DSE: variants seen among roughly 807,000 people sequenced by gnomAD.
The protein encoded by DSE is dermatan sulfate epimerase.
DSE carries 36 observed loss-of-function variants against 84.4 expected under a neutral mutation model. The observed-to-expected ratio is 0.43, with a 90% confidence interval of 0.33 to 0.56. The LOEUF is 0.56. Ranked by LOEUF, DSE falls within the 20% of genes least tolerant of loss-of-function variation. DSE has a pLI of 0.06. For synonymous variants in DSE, 410 were observed against 430.1 expected (o/e 0.95, Z 0.58); for missense variants, 862 against 1,169.6 (o/e 0.74, Z 3.84).
chr6:116,337,769 T>G (rs895274271), intron 2 of DSE, among the ~76,000 whole-genome samples: 2 of 151,648 alleles, frequency 1.3e-5, no homozygotes, highest in African/African-American at 4.9e-5. Flanking sequence ...GAAGACAGAG[T>G]TCAGATATGT....
chr6:116,290,812 C>T (rs1164244260), intron 2 of DSE, among the ~76,000 whole-genome samples: 1 of 152,170 alleles, frequency 6.6e-6, no homozygotes, highest in African/African-American at 2.4e-5. Flanking sequence ...ATCCTCTTAA[C>T]TGCTAACTTC....
intron 2 of DSE, among the ~76,000 whole-genome samples, chr6:116,419,548 A>G (rs914621260): frequency 1.3e-5 from 2 of 152,206 alleles, no homozygotes; most frequent in Non-Finnish European, 2.9e-5. Context: ...ATTCTGGCCT[A>G]TTTTAATGGT....
intron 2 of DSE, among the ~76,000 whole-genome samples, chr6:116,269,509 G>GA (rs1216855246): frequency 6.6e-6 from 1 of 152,138 alleles, no homozygotes; most frequent in Non-Finnish European, 1.5e-5. Flanking sequence ...TGGAAGAAAA[G>GA]AAGAGTTGAA....
intron 1 of DSE, among the ~76,000 whole-genome samples, chr6:116,395,164 G>A (rs901622450): frequency 2.0e-5 from 3 of 150,768 alleles, no homozygotes; most frequent in African/African-American, 7.3e-5. Context: ...GGTGGCGCAC[G>A]CCTGTAATCC....
At chr6:116,279,048 A>C in intron 2 of DSE, 8 of 1,613,268 alleles carry the variant, frequency 5.0e-6, no homozygotes, top group Non-Finnish European at 6.8e-6. Flanking sequence ...GGTAGTGTCG[A>C]CGCATCCGCC....
chr6:116,257,307 C>T (rs1022718894), intron 1 of DSE: 1 of 152,210 alleles, frequency 6.6e-6, no homozygotes, highest in African/African-American at 2.4e-5. Context: ...CAAGATCACA[C>T]AGCAAGTGGT....
chr6:116,298,841 A>G (rs1774821887), intron 2 of DSE, among the ~76,000 whole-genome samples: 1 of 152,046 alleles, frequency 6.6e-6, no homozygotes, highest in Non-Finnish European at 1.5e-5. Flanking sequence ...TGGAAAACGG[A>G]GCCATCCTCT....
intron 2 of DSE, among the ~76,000 whole-genome samples, chr6:116,423,699 G>A (rs1783244030): frequency 6.6e-6 from 1 of 152,170 alleles, no homozygotes; most frequent in African/African-American, 2.4e-5. Flanking sequence ...CATGAACTAA[G>A]AGCAAATTTC....
intron 2 of DSE, among the ~76,000 whole-genome samples, chr6:116,296,666 A>G (rs1774685410): frequency 6.6e-6 from 1 of 152,192 alleles, no homozygotes. Context: ...AGACAGGTTT[A>G]GTTAACAAAA....
chr6:116,352,598 A>C lies in DSE; in HGVS notation c.-53-46600A>C, dbSNP rs1220095360. On this transcript the variant is annotated intron_variant, in intron 2 of 3. Transcript: ENST00000430252. ...GTAGCTCTTGAACTGGATAGTAAAC[A>C]TCAAGAAATTGAGAAATAAAAAACA... Among the ~76,000 whole-genome samples the C allele has an allele frequency of 4.1e-4, 62 of 152,188 alleles. 1 individual carries two copies. Among genetic ancestry groups the C allele is most frequent in the Admixed American group, 4.1e-3 (62 of 15,272 alleles).
intron 2 of DSE, among the ~76,000 whole-genome samples, chr6:116,410,141 A>T (rs1782223446): frequency 6.6e-6 from 1 of 152,210 alleles, no homozygotes; most frequent in South Asian, 2.1e-4. Context: ...TAACCTTTTC[A>T]TTGAAAAATA....
intron 2 of DSE, among the ~76,000 whole-genome samples, chr6:116,350,117 C>T (rs1778222636): frequency 6.6e-6 from 1 of 152,128 alleles, no homozygotes. Context: ...AGCTCAAATC[C>T]AGTTTCATTT....
rs185583964 is a variant in DSE at position 116,291,651 on chromosome 6, G to A, written c.-54+32684G>A. Among the ~76,000 whole-genome samples, 356 of 151,936 alleles carry A rather than the reference G, an allele frequency of 2.3e-3. 2 individuals are homozygous for A. Among genetic ancestry groups the A allele is most frequent in the African/African-American group, 8.2e-3 (342 of 41,472 alleles). The stretch of plus-strand genomic sequence containing the variant: ...AGAGGATATTGGAGGCTTTTAAACA[G>A]GGGATTGACATGGACAGTGTCAGAA... On this transcript the variant is annotated intron_variant, in intron 2 of 3. Coordinates refer to the DSE transcript ENST00000430252.
intron 2 of DSE, among the ~76,000 whole-genome samples, chr6:116,316,644 A>T (rs1292244011): frequency 6.6e-6 from 1 of 151,926 alleles, no homozygotes; most frequent in East Asian, 1.9e-4. Flanking sequence ...CAATAATGGG[A>T]CTTGGTGCGG....
intron 2 of DSE, among the ~76,000 whole-genome samples, chr6:116,346,718 G>A (rs1777998740): frequency 6.6e-6 from 1 of 152,178 alleles, no homozygotes; most frequent in South Asian, 2.1e-4. Context: ...ACAAGACAGA[G>A]ACGCCCTCTC....
At chr6:116,297,136 C>G (rs1774716486) in intron 2 of DSE, among the ~76,000 whole-genome samples, 1 of 152,078 alleles carries the variant, frequency 6.6e-6, no homozygotes, top group African/African-American at 2.4e-5. Context: ...TGCACTGTTT[C>G]AGTGTGTGCT....
chr6:116,269,493 G>A (rs1772787358), intron 2 of DSE, among the ~76,000 whole-genome samples: 1 of 152,132 alleles, frequency 6.6e-6, no homozygotes, highest in Non-Finnish European at 1.5e-5. Flanking sequence ...ATAAGTGAAA[G>A]GTTTGTGGAA....
At chr6:116,432,095 C>A (rs972441171) in intron 4 of DSE, among the ~76,000 whole-genome samples, 1 of 152,116 alleles carries the variant, frequency 6.6e-6, no homozygotes, top group Non-Finnish European at 1.5e-5. Flanking sequence ...GACTTACATT[C>A]AAAAAAATAC....
In DSE at chr6:116,437,255, A is replaced by C; in HGVS notation, c.2787A>C (p.Leu929=). The C allele has an allele frequency of 6.2e-7, 1 of 1,614,102 alleles. No individual in the cohort carries two copies. The highest frequency in any genetic ancestry group is 1.1e-5 in the South Asian group (1 of 91,080). The part of the protein sequence containing the change: ...QLTYFQRAQS[L]HGQRCLYAVL... Reference sequence around the variant, plus strand: ...CTTATTTCCAGAGGGCCCAGAGCCTACATGGCCAAAGATGTCTTTATGCAG... The same window carrying C: ...CTTATTTCCAGAGGGCCCAGAGCCTCCATGGCCAAAGATGTCTTTATGCAG... Residue 929 remains leucine (L), a synonymous_variant, in exon 6 of 6, where the codon CTA becomes CTC. Transcript: ENST00000644252.
Sources: gnomAD v4.1 joint callset for allele counts (sites outside exome capture counted in the v4.1 genomes callset) on GRCh38, gnomAD v4.1.1 for gene constraint, MANE v1.5 for transcripts, NCBI Gene and HGNC (gene_info 2026-07-23, HGNC 2026-07-21) for gene names.